Variants in ZNF880 observed in about 807,000 individuals in gnomAD.
ZNF880 encodes the protein zinc finger protein 880.
A neutral mutation model predicts 11.8 loss-of-function variants in ZNF880; 12 were observed. The observed-to-expected ratio is 1.02, with a 90% confidence interval of 0.65 to 1.65. The LOEUF (loss-of-function observed/expected upper bound fraction) is 1.65. Among genes scored for constraint, ZNF880 ranks in the 40% most tolerant of loss-of-function variants. The pLI, the probability that ZNF880 is intolerant of heterozygous loss-of-function variation, is 0.00. For synonymous variants in ZNF880, 210 were observed against 232.4 expected (o/e 0.90, Z 0.88); for missense variants, 601 against 673.9 (o/e 0.89, Z 1.20).
At position 52,372,267 on chromosome 19, in the gene ZNF880, C is replaced by T. The variant is rs910742632; in HGVS notation, c.13-844C>T. Among the ~76,000 whole-genome samples, 4 of 150,434 alleles carry T rather than the reference C, an allele frequency of 2.7e-5. No individual in the cohort carries two copies. In the East Asian group the frequency reaches 6.0e-4, roughly 22 times the overall value. ...AATTTTTTGTATTTCTTATGTTGTC[C>T]ACAAAATTAGAAATCTCTACTAATT... On this transcript the variant is annotated intron_variant, in intron 1 of 3. Transcript: ENST00000422689.
chr19:52,390,460 T>TA (rs1172766906), downstream of ZNF880: 1 of 271,984 alleles, frequency 3.7e-6, no homozygotes, highest in South Asian at 2.7e-5. Flanking sequence ...CTTCTCCTGA[T>TA]ATCGAGTGTG....
the ZNF880 span, among the ~76,000 whole-genome samples, chr19:52,391,840 T>C: frequency 6.6e-6 from 1 of 151,482 alleles, no homozygotes. Context: ...GGGTAGGGTG[T>C]GTGAGTGTAT....
chr19:52,387,370 T>G (rs1986911450), downstream of ZNF880, among the ~76,000 whole-genome samples: 2 of 144,336 alleles, frequency 1.4e-5, no homozygotes. Flanking sequence ...ATTATATTTC[T>G]ACGTGCCTAT....
chr19:52,373,348 AC>A, intron 2 of ZNF880, 111 bp downstream of exon 2: 1 of 1,110,946 alleles, frequency 9.0e-7, no homozygotes, highest in Non-Finnish European at 1.3e-6. Context: ...TGAGATTGAA[AC>A]CCTGTTGACT....
rs1986858009 is a variant in ZNF880, at chr19:52,385,516, G to T, written c.*202G>T. 4 of 598,966 alleles carry T rather than the reference G, an allele frequency of 6.7e-6. No homozygotes were observed. In the Admixed American group the frequency reaches 9.5e-5, roughly 14 times the overall value. 37.1% of individuals were successfully genotyped at this position (598,966 alleles called of 1,614,324 possible). A position where few individuals can be genotyped will look rare whatever the true frequency, so the allele number is the denominator to read the frequency against. On this transcript the variant is annotated 3_prime_UTR_variant, in exon 4 of 4. Transcript: ENST00000422689. ...TCTCTTGAGGCCTGCCAAATGACTA[G>T]ATATCAAAACATACATCTTGGATGA... is the stretch of plus-strand genomic sequence containing the variant.
At chr19:52,375,057 G>A (rs1449809688) in intron 3 of ZNF880, among the ~76,000 whole-genome samples, 1 of 151,352 alleles carries the variant, frequency 6.6e-6, no homozygotes, top group African/African-American at 2.4e-5. Flanking sequence ...ATTTTTCTTT[G>A]CCCCCTCTTA....
chr19:52,388,300 T>TTTTTTTTTTTTTTTTTTTTTTTTTTG (rs1986948820), downstream of ZNF880, among the ~76,000 whole-genome samples: 1 of 120,752 alleles, frequency 8.3e-6, no homozygotes, highest in Non-Finnish European at 1.8e-5. Context: ...TTTTTTTTTT[T>TTTTTTTTTTTTTTTTTTTTTTTTTTG]TTTTTTAGGC....
At chr19:52,388,388 C>T (rs1434347274), downstream of ZNF880, among the ~76,000 whole-genome samples, 1 of 143,530 alleles carries the variant, frequency 7.0e-6, no homozygotes, top group Non-Finnish European at 1.5e-5. Flanking sequence ...GTTCAAACGG[C>T]TGCCTCAGCC....
At chr19:52,373,056 A>G (rs761990024) in intron 1 of ZNF880, 55 bp from the exon 2 acceptor site, 6 of 1,599,938 alleles carry the variant, frequency 3.8e-6, no homozygotes, top group Non-Finnish European at 5.1e-6. Flanking sequence ...AGTCCTTACA[A>G]CTGTCTCCTC....
At chr19:52,379,246 T>G (rs1986641293) in intron 3 of ZNF880, among the ~76,000 whole-genome samples, 1 of 152,074 alleles carries the variant, frequency 6.6e-6, no homozygotes, top group African/African-American at 2.4e-5. Context: ...ATTTTTTGCC[T>G]AGGAGTTTAT....
downstream of ZNF880, chr19:52,389,145 TATC>T (rs1986976892): frequency 6.6e-6 from 1 of 152,080 alleles, no homozygotes; most frequent in South Asian, 2.1e-4. Context: ...AGCCAAACCA[TATC>T]ATTTTGCCCC....
chr19:52,390,254 A>C (rs2122452714), downstream of ZNF880: 1 of 296,492 alleles, frequency 3.4e-6, no homozygotes, highest in Non-Finnish European at 7.0e-6. Context: ...CCTCACCGCA[A>C]GGTTGATTCC....
At chr19:52,397,413 T>C in the ZNF880 span, 1 of 152,322 alleles carries the variant, frequency 6.6e-6, no homozygotes, top group East Asian at 1.9e-4. Flanking sequence ...GTGTGTTAAT[T>C]CAATTCCTAA....
rs186903733 is a variant in ZNF880 at position 52,372,081 on chromosome 19, C to T, written c.13-1030C>T. On this transcript the variant is annotated intron_variant, in intron 1 of 3. Transcript: ENST00000422689. ...GTGGGTGCCTGTAGTCCCAGCTACT[C>T]GGGAGGCTGAGGCAGAAGAATCACT... 2.5e-3 allele frequency among the ~76,000 whole-genome samples: 375 copies of T among 151,520 alleles called. 2 individuals carry two copies. Among genetic ancestry groups the T allele is most frequent in the African/African-American group, 8.4e-3 (349 of 41,358 alleles).
At chr19:52,392,359 G>A in the ZNF880 span, among the ~76,000 whole-genome samples, 1 of 152,054 alleles carries the variant, frequency 6.6e-6, no homozygotes, top group Admixed American at 6.5e-5. Flanking sequence ...AGAGTGCAGT[G>A]GTGCTATCTC....
At chr19:52,373,494 C>G (rs1986455104) in intron 2 of ZNF880, among the ~76,000 whole-genome samples, 1 of 151,892 alleles carries the variant, frequency 6.6e-6, no homozygotes, top group Admixed American at 6.6e-5. Context: ...TTGAGTGGTA[C>G]CAGGGCTTAA....
At chr19:52,372,551 G>C (rs1316035118) in intron 1 of ZNF880, among the ~76,000 whole-genome samples, 1 of 149,380 alleles carries the variant, frequency 6.7e-6, no homozygotes, top group Admixed American at 6.7e-5. Flanking sequence ...GCCTCCCAAA[G>C]TGCTGGGATT....
At chr19:52,379,070 T>TA (rs1386912969) in intron 3 of ZNF880, among the ~76,000 whole-genome samples, 1 of 151,054 alleles carries the variant, frequency 6.6e-6, no homozygotes, top group African/African-American at 2.4e-5. Flanking sequence ...TGATACCCTG[T>TA]CTCAGAAAAA....
At chr19:52,367,754 TGA>T (rs916668349), upstream of ZNF880, 6 of 152,168 alleles carry the variant, frequency 3.9e-5, no homozygotes, top group Non-Finnish European at 7.3e-5. Context: ...CAAATGTGTG[TGA>T]GTGTTAAAGA....
Sources: allele counts gnomAD v4.1 joint callset (sites outside exome capture counted in the v4.1 genomes callset), GRCh38; gene constraint gnomAD v4.1.1; transcripts MANE v1.5; gene names NCBI Gene and HGNC (gene_info 2026-07-23, HGNC 2026-07-21).